Variants in PAPPA observed in about 807,000 individuals in gnomAD.
The protein encoded by PAPPA is pappalysin 1.
In PAPPA, 60 loss-of-function variants were observed where a neutral mutation model predicts 164.0. That is an observed-to-expected ratio of 0.37 (90% CI 0.30 to 0.45). The LOEUF (loss-of-function observed/expected upper bound fraction) is 0.45. Among genes scored for constraint, PAPPA ranks in the 20% least tolerant of loss-of-function variants. The pLI, the probability that PAPPA is intolerant of heterozygous loss-of-function variation, is 1.00. For missense variants in PAPPA, 1,782 were observed against 2,087.3 expected, an observed-to-expected ratio of 0.85 and a Z score of 2.85; for synonymous variants, 875 against 814.1, an observed-to-expected ratio of 1.07 and a Z score of -1.27.
intron 4 of PAPPA, among the ~76,000 whole-genome samples, chr9:116,212,593 C>T (rs1462903160): frequency 6.6e-6 from 1 of 152,156 alleles, no homozygotes; most frequent in Non-Finnish European, 1.5e-5. Context: ...TGTTACCATA[C>T]TCAACTTAGT....
chr9:116,196,074 G>C (rs2118649535), intron 2 of PAPPA, among the ~76,000 whole-genome samples: 1 of 152,212 alleles, frequency 6.6e-6, no homozygotes, highest in African/African-American at 2.4e-5. Context: ...GGGAAGCCAG[G>C]AGGGTACCCA....
At chr9:116,267,902 A>T (rs1032826937) in intron 8 of PAPPA, among the ~76,000 whole-genome samples, 1 of 151,322 alleles carries the variant, frequency 6.6e-6, no homozygotes, top group Admixed American at 6.6e-5. Context: ...AAAAAAAAAA[A>T]AAAAAAAGAA....
chr9:116,376,485 G>C (rs575866708), intron 19 of PAPPA, among the ~76,000 whole-genome samples: 2 of 152,044 alleles, frequency 1.3e-5, no homozygotes, highest in African/African-American at 4.8e-5. Context: ...TCAAATCCTG[G>C]TTTCTCCACC....
Position 116,154,321 on chromosome 9 carries a change from G to C in PAPPA, c.149G>C (p.Arg50Pro), listed in dbSNP as rs1307592769. 8 of 882,972 alleles carry C rather than the reference G, an allele frequency of 9.1e-6. No individual in the cohort carries two copies. The highest frequency in any genetic ancestry group is 1.1e-5 in the Non-Finnish European group (8 of 740,210). 54.7% of individuals were successfully genotyped at this position (882,972 alleles called of 1,614,324 possible). ...PAAGPATCAT[R>P]AARGRRASPP... ...GCCGGCCCGGCCACCTGCGCCACCC[G>C]GGCGGCCCGCGGCCGCCGCGCCTCG... Residue 50 changes from arginine to proline, a missense_variant, in exon 1 of 22, where the codon CGG becomes CCG. Physicochemically the swap from Arg to Pro is moderately radical, Grantham distance 103 (BLOSUM62 -2). Coordinates refer to ENST00000328252, the MANE Select transcript of PAPPA (RefSeq NM_002581.5). The surrounding 1 kb of genome is among the most constrained non-coding windows in gnomAD (Gnocchi z 5.2).
chr9:116,269,024 T>A (rs1016705405), intron 8 of PAPPA, among the ~76,000 whole-genome samples: 1 of 152,130 alleles, frequency 6.6e-6, no homozygotes, highest in Non-Finnish European at 1.5e-5. Flanking sequence ...TCTTAAATGA[T>A]CCATAGCAAC....
At chr9:116,180,470 A>T (rs1176780628) in intron 1 of PAPPA, among the ~76,000 whole-genome samples, 2 of 152,182 alleles carry the variant, frequency 1.3e-5, no homozygotes, top group African/African-American at 2.4e-5. Context: ...AATAAATCCC[A>T]CTTAGTCTGT....
At chr9:116,223,261 G>A (rs890470948) in intron 5 of PAPPA, among the ~76,000 whole-genome samples, 2 of 152,132 alleles carry the variant, frequency 1.3e-5, no homozygotes, top group Admixed American at 6.5e-5. Context: ...TACTTTTTCT[G>A]TGGTGATGAG....
At chr9:116,195,600 T>A (rs1420332055) in intron 2 of PAPPA, among the ~76,000 whole-genome samples, 1 of 152,192 alleles carries the variant, frequency 6.6e-6, no homozygotes, top group Non-Finnish European at 1.5e-5. Context: ...ATTGGGTGGT[T>A]TAGAGGATTG....
chr9:116,189,648 C>T (rs1380347951), intron 2 of PAPPA, among the ~76,000 whole-genome samples: 1 of 152,166 alleles, frequency 6.6e-6, no homozygotes, highest in Non-Finnish European at 1.5e-5. Flanking sequence ...CCTGGAGGAA[C>T]TAGATTCAAG....
At chr9:116,257,152 T>C (rs1324441470) in intron 7 of PAPPA, among the ~76,000 whole-genome samples, 1 of 151,988 alleles carries the variant, frequency 6.6e-6, no homozygotes, top group Admixed American at 6.6e-5. Context: ...AAACCACATA[T>C]AATGTTAAAG....
chr9:116,203,565 T>C (rs1844195809), intron 2 of PAPPA, among the ~76,000 whole-genome samples: 1 of 151,978 alleles, frequency 6.6e-6, no homozygotes, highest in African/African-American at 2.4e-5. Context: ...CAGATAGAGG[T>C]GATGATGATG....
rs376485779 is a variant in PAPPA, at chr9:116,220,758, C to T, written c.2111+629C>T. Among the ~76,000 whole-genome samples the T allele has an allele frequency of 2.6e-4, 40 of 151,320 alleles. 1 individual carries two copies. The highest frequency in any genetic ancestry group is 5.1e-4 in the African/African-American group (21 of 41,318). On this transcript the variant is annotated intron_variant, in intron 5 of 21. Transcript: ENST00000328252. ...AAAATTAGACGGGTGTGGTGGTGCG[C>T]GCCTGTAATCCCAGCTACATGGGAG...
At chr9:116,305,681 A>G (rs1845637261) in intron 10 of PAPPA, among the ~76,000 whole-genome samples, 1 of 152,190 alleles carries the variant, frequency 6.6e-6, no homozygotes, top group African/African-American at 2.4e-5. Context: ...GGAGAAACTG[A>G]GGAACACAGT....
At chr9:116,390,454 G>C (rs996571763) in intron 21 of PAPPA, among the ~76,000 whole-genome samples, 4 of 152,136 alleles carry the variant, frequency 2.6e-5, no homozygotes, top group African/African-American at 7.2e-5. Context: ...GATAAGCAAG[G>C]CTTTTATCAC....
chr9:116,370,122 T>TG (rs1253035723), intron 19 of PAPPA, among the ~76,000 whole-genome samples: 1 of 152,062 alleles, frequency 6.6e-6, no homozygotes, highest in East Asian at 1.9e-4. Context: ...TTTAGATAGC[T>TG]GGGGGTGAGG....
chr9:116,221,417 A>G (rs778040525), intron 5 of PAPPA, among the ~76,000 whole-genome samples: 1 of 152,198 alleles, frequency 6.6e-6, no homozygotes, highest in Non-Finnish European at 1.5e-5. Flanking sequence ...ATATTACTTT[A>G]TTGTAGTTGC....
intron 9 of PAPPA, among the ~76,000 whole-genome samples, chr9:116,296,008 A>T (rs181233593): frequency 2.6e-5 from 4 of 152,350 alleles, no homozygotes; most frequent in African/African-American, 9.6e-5. Flanking sequence ...CTCACTCCTA[A>T]AATCTCCAGA....
intron 15 of PAPPA, among the ~76,000 whole-genome samples, chr9:116,348,533 A>G (rs1315868399): frequency 6.6e-6 from 1 of 152,016 alleles, no homozygotes; most frequent in African/African-American, 2.4e-5. Flanking sequence ...GGACATGTGC[A>G]GGTTTGTTAT....
intron 1 of PAPPA, among the ~76,000 whole-genome samples, chr9:116,171,376 C>T (rs990282796): frequency 2.0e-5 from 3 of 152,152 alleles, no homozygotes; most frequent in Non-Finnish European, 2.9e-5. Flanking sequence ...TATTCCCACT[C>T]GCCTTGTAAA....
Sources: gnomAD v4.1 joint callset for allele counts (sites outside exome capture counted in the v4.1 genomes callset) on GRCh38, gnomAD v4.1.1 for gene constraint, Gnocchi (gnomAD v3.1) non-coding constraint, MANE v1.5 for transcripts, NCBI Gene and HGNC (gene_info 2026-07-23, HGNC 2026-07-21) for gene names.